The following TRPC5 variants were observed in gnomAD, a reference collection of about 807,000 sequenced individuals.
TRPC5 encodes transient receptor potential cation channel subfamily C member 5.
A neutral mutation model predicts 56.5 loss-of-function variants in TRPC5; 9 were observed. That is an observed-to-expected ratio of 0.16 (90% CI 0.10 to 0.28). TRPC5 has a LOEUF of 0.28. Among genes scored for constraint, TRPC5 ranks in the 10% least tolerant of loss-of-function variants. The probability of loss-of-function intolerance (pLI) is 1.00; values close to 1 mark genes in which losing one functional copy is unlikely to be tolerated. For missense variants in TRPC5, 469 were observed against 748.9 expected (o/e 0.63, Z 4.36); for synonymous variants, 282 against 278.5 (o/e 1.01, Z -0.13).
chrX:111,989,055 T>C (rs1928285034), intron 1 of TRPC5, among the ~76,000 whole-genome samples: 1 of 111,728 alleles, frequency 9.0e-6, no homozygotes, highest in Non-Finnish European at 1.9e-5. Flanking sequence ...TTCATTTTCT[T>C]CCTTTCTTGT....
intron 2 of TRPC5, among the ~76,000 whole-genome samples, chrX:111,916,614 G>A (rs1465100601): frequency 8.9e-6 from 1 of 111,959 alleles, no homozygotes; most frequent in East Asian, 2.8e-4. Flanking sequence ...AGGTGTATAC[G>A]CATAATTTGG....
intron 3 of TRPC5, among the ~76,000 whole-genome samples, chrX:111,880,165 G>T (rs750289876): frequency 1.1e-4 from 12 of 109,275 alleles, no homozygotes; most frequent in Non-Finnish European, 1.5e-4. Flanking sequence ...ATCTGTCCTT[G>T]CCCTGTAGCA....
At chrX:111,843,007 T>C (rs964323505) in intron 6 of TRPC5, among the ~76,000 whole-genome samples, 1 of 112,876 alleles carries the variant, frequency 8.9e-6, no homozygotes, top group East Asian at 2.8e-4. Context: ...CACTGGATTT[T>C]ATCAGTGTTG....
At chrX:111,901,456 A>T (rs1235960643) in intron 3 of TRPC5, 1 of 115,390 alleles carries the variant, frequency 8.7e-6, no homozygotes, top group Non-Finnish European at 1.8e-5. Flanking sequence ...GCAATTCTTG[A>T]TAGGGGTAAC....
intron 3 of TRPC5, among the ~76,000 whole-genome samples, chrX:111,900,386 A>G (rs1199702528): frequency 8.9e-6 from 1 of 112,023 alleles, no homozygotes; most frequent in Non-Finnish European, 1.9e-5. Context: ...TATACCCAAG[A>G]AAAAAACTGG....
intron 1 of TRPC5, among the ~76,000 whole-genome samples, chrX:112,029,506 T>C (rs746518575): frequency 2.7e-5 from 3 of 112,087 alleles, no homozygotes; most frequent in African/African-American, 9.8e-5. Context: ...TTGGGGTCTA[T>C]ACCCAGCAGT....
intron 2 of TRPC5, among the ~76,000 whole-genome samples, chrX:111,920,510 A>G (rs1012610380): frequency 9.0e-6 from 1 of 110,956 alleles, no homozygotes; most frequent in African/African-American, 3.3e-5. Flanking sequence ...TTGTTCTTAT[A>G]TTTTAGGTTA....
At chrX:111,855,000 TG>T (rs1923185085) in intron 3 of TRPC5, among the ~76,000 whole-genome samples, 1 of 112,113 alleles carries the variant, frequency 8.9e-6, no homozygotes, top group African/African-American at 3.2e-5. Flanking sequence ...TGCTACTTCC[TG>T]GTAAGTGACT....
At chrX:111,859,978 A>T (rs752811246) in intron 3 of TRPC5, among the ~76,000 whole-genome samples, 1 of 113,013 alleles carries the variant, frequency 8.8e-6, no homozygotes, top group Admixed American at 9.3e-5. Context: ...GCGAGATCTC[A>T]GCTCACTGCA....
chrX:111,916,143 A>C (rs1233420565), intron 2 of TRPC5, among the ~76,000 whole-genome samples: 1 of 111,012 alleles, frequency 9.0e-6, no homozygotes, highest in Non-Finnish European at 1.9e-5. Flanking sequence ...AAAAAAGTAA[A>C]GAAAAGAAAA....
At chrX:112,066,477 A>C (rs1930587444) in intron 1 of TRPC5, among the ~76,000 whole-genome samples, 1 of 112,018 alleles carries the variant, frequency 8.9e-6, no homozygotes, top group Non-Finnish European at 1.9e-5. Context: ...ATCAAATATC[A>C]ACAGAACATG....
intron 1 of TRPC5, among the ~76,000 whole-genome samples, chrX:111,997,625 A>G (rs1476325869): frequency 9.0e-6 from 1 of 110,757 alleles, no homozygotes; most frequent in Non-Finnish European, 1.9e-5. Flanking sequence ...TTTTAGGTAC[A>G]CCAATCAAAC....
In TRPC5 at chrX:111,852,457, A is replaced by C. The variant is rs1445204320; in HGVS notation, c.1238-20T>G. ...TGAAACCTGAAGAATGGAGGAAAAC[A>C]GTTTATTTCTACATAGGGTCAGCCC... On this transcript the variant is annotated intron_variant, in intron 4 of 10. Transcript: ENST00000262839. The C allele has an allele frequency of 6.7e-6, 8 of 1,198,152 alleles. No individual in the cohort carries two copies. In the East Asian group the frequency reaches 1.2e-4, roughly 18 times the overall value.
At chrX:111,870,324 C>CCATA (rs1923707859) in intron 3 of TRPC5, among the ~76,000 whole-genome samples, 1 of 111,804 alleles carries the variant, frequency 8.9e-6, no homozygotes, top group Non-Finnish European at 1.9e-5. Context: ...CAGGCAGCAC[C>CCATA]CATAATTAGA....
At chrX:111,966,904 C>T (rs1284464934) in intron 1 of TRPC5, among the ~76,000 whole-genome samples, 4 of 104,669 alleles carry the variant, frequency 3.8e-5, no homozygotes, top group Non-Finnish European at 5.8e-5. Flanking sequence ...GAAGCATTCC[C>T]TTTCAAAACT....
At chrX:111,919,316 A>G (rs1210768135) in intron 2 of TRPC5, among the ~76,000 whole-genome samples, 5 of 112,046 alleles carry the variant, frequency 4.5e-5, no homozygotes, top group Non-Finnish European at 9.4e-5. Flanking sequence ...AAATAAGGGA[A>G]TAAAAGCTGG....
At chrX:112,055,664 A>T (rs1304835662) in intron 1 of TRPC5, among the ~76,000 whole-genome samples, 4 of 108,940 alleles carry the variant, frequency 3.7e-5, no homozygotes, top group African/African-American at 1.3e-4. Context: ...CATACTTTAA[A>T]TTTTCCTTTT....
At chrX:112,031,633 T>A (rs1929587456) in intron 1 of TRPC5, among the ~76,000 whole-genome samples, 1 of 108,287 alleles carries the variant, frequency 9.2e-6, no homozygotes, top group South Asian at 3.8e-4. Context: ...TGGATATAGA[T>A]AATATTATCA....
At chrX:112,079,244 C>T (rs1312377979) in intron 1 of TRPC5, among the ~76,000 whole-genome samples, 2 of 112,147 alleles carry the variant, frequency 1.8e-5, no homozygotes, top group African/African-American at 6.5e-5. Context: ...CTACCACCTT[C>T]AGTGATGGAG....
Sources: allele counts gnomAD v4.1 joint callset (sites outside exome capture counted in the v4.1 genomes callset), GRCh38; gene constraint gnomAD v4.1.1; transcripts MANE v1.5; gene names NCBI Gene and HGNC (gene_info 2026-07-23, HGNC 2026-07-21).